BNC2: variants seen among roughly 807,000 people sequenced by gnomAD.
BNC2 encodes zinc finger protein basonuclin-2.
A neutral mutation model predicts 76.3 loss-of-function variants in BNC2; 20 were observed. The observed-to-expected ratio is 0.26, with a 90% CI of 0.18 to 0.38. BNC2 has a LOEUF of 0.38. Among genes scored for constraint, BNC2 ranks in the 10% least tolerant of loss-of-function variants. BNC2 has a pLI of 1.00. For missense variants in BNC2, 1,382 were observed against 1,399.8 expected (o/e 0.99, Z 0.20); for synonymous variants, 582 against 514.8 (o/e 1.13, Z -1.77).
intron 5 of BNC2, among the ~76,000 whole-genome samples, chr9:16,453,966 GC>G (rs1821394140): frequency 6.6e-6 from 1 of 152,146 alleles, no homozygotes; most frequent in Non-Finnish European, 1.5e-5. Context: ...AGAGAACTTA[GC>G]TTTCAGTGAA....
At position 16,634,470 on chromosome 9, in the gene BNC2, C is replaced by G. The variant is rs534822247; in HGVS notation, c.331-51385G>C. ...TTATTAAGAGTAACCTCTTAGTCAC[C>G]AAATTTATCCTATAATTAGACCTTC... On this transcript the variant is annotated intron_variant, in intron 3 of 6. Transcript: ENST00000380672. Among the ~76,000 whole-genome samples the G allele has an allele frequency of 2.6e-4, 39 of 150,458 alleles. No homozygotes were observed. The South Asian group carries it at 6.1e-3, about 24-fold the overall frequency.
chr9:16,808,306 T>C (rs574789613), intron 1 of BNC2, among the ~76,000 whole-genome samples: 1 of 152,052 alleles, frequency 6.6e-6, no homozygotes, highest in Non-Finnish European at 1.5e-5. Flanking sequence ...GTTTATTTCA[T>C]TAAAATTTAT....
At chr9:16,610,269 T>C (rs1397272785) in intron 3 of BNC2, among the ~76,000 whole-genome samples, 1 of 152,126 alleles carries the variant, frequency 6.6e-6, no homozygotes, top group Non-Finnish European at 1.5e-5. Context: ...AGAGTGGCAT[T>C]TGGGAGCCCC....
rs143704078 is a variant in BNC2 at position 16,438,539 on chromosome 9, A to G, written c.670-1015T>C. Among the ~76,000 whole-genome samples, 688 of 152,266 alleles carry G rather than the reference A, an allele frequency of 4.5e-3. 10 individuals are homozygous for G. Among genetic ancestry groups the G allele is most frequent in the African/African-American group, 0.016 (653 of 41,552 alleles). On this transcript the variant is annotated intron_variant, in intron 5 of 6. Transcript: ENST00000380672. ...CCTGCAATGTAATGTCAGGCGATCC[A>G]TTTCAGCATGGATTGAGAGAGATCT...
chr9:16,669,792 C>T (rs778018629), intron 3 of BNC2, among the ~76,000 whole-genome samples: 41 of 152,038 alleles, frequency 2.7e-4, no homozygotes, highest in South Asian at 1.2e-3. Flanking sequence ...TCAGATACCA[C>T]GGAAAAAGAA....
intron 3 of BNC2, among the ~76,000 whole-genome samples, chr9:16,674,618 G>A (rs1007604822): frequency 1.3e-5 from 2 of 152,244 alleles, no homozygotes. Context: ...ATGTTTATTT[G>A]TAGGACTTTA....
At chr9:16,704,328 G>A (rs1823598276) in intron 3 of BNC2, among the ~76,000 whole-genome samples, 2 of 152,172 alleles carry the variant, frequency 1.3e-5, no homozygotes, top group African/African-American at 4.8e-5. Context: ...GAAGGATAGG[G>A]GTTGGGGGCA....
chr9:16,816,446 C>G (rs1818184600), intron 1 of BNC2, among the ~76,000 whole-genome samples: 1 of 152,184 alleles, frequency 6.6e-6, no homozygotes, highest in African/African-American at 2.4e-5. Flanking sequence ...AAATACCAAG[C>G]TGGGCAGCCT....
intron 3 of BNC2, chr9:16,727,351 T>C (rs987331217): frequency 7.0e-5 from 13 of 184,798 alleles, no homozygotes; most frequent in Non-Finnish European, 1.4e-4. Flanking sequence ...ATGAAGTCAG[T>C]AGGGCTGTTC....
intron 3 of BNC2, among the ~76,000 whole-genome samples, chr9:16,617,400 G>A (rs2133531936): frequency 6.6e-6 from 1 of 151,990 alleles, no homozygotes; most frequent in South Asian, 2.1e-4. Flanking sequence ...AGCGGAATAT[G>A]AAAAGAATTA....
intron 1 of BNC2, among the ~76,000 whole-genome samples, chr9:16,770,999 C>T (rs1334761708): frequency 6.6e-6 from 1 of 152,082 alleles, no homozygotes; most frequent in Non-Finnish European, 1.5e-5. Context: ...GGCGAAACCC[C>T]TCTCTACTAA....
intron 1 of BNC2, among the ~76,000 whole-genome samples, chr9:16,828,801 T>C (rs1438034488): frequency 1.3e-5 from 2 of 152,188 alleles, no homozygotes; most frequent in Non-Finnish European, 2.9e-5. Flanking sequence ...GGGAGGAAGA[T>C]CGCCATAACA....
intron 3 of BNC2, among the ~76,000 whole-genome samples, chr9:16,643,302 T>A (rs1821539942): frequency 1.0e-5 from 1 of 97,248 alleles, no homozygotes; most frequent in Admixed American, 9.7e-5. Context: ...CAAGACTCTG[T>A]CTCAAAAAAA....
chr9:16,755,342 G>A (rs888022592), intron 1 of BNC2, among the ~76,000 whole-genome samples: 1 of 152,030 alleles, frequency 6.6e-6, no homozygotes, highest in Non-Finnish European at 1.5e-5. Context: ...GCTGTGGGGG[G>A]ACACCACCTC....
chr9:16,658,469 T>A (rs557721087), intron 3 of BNC2, among the ~76,000 whole-genome samples: 7 of 152,202 alleles, frequency 4.6e-5, no homozygotes, highest in Non-Finnish European at 8.8e-5. Flanking sequence ...AATGCTTGGG[T>A]AAATGCTTGT....
chr9:16,754,348 G>A (rs978831176), intron 1 of BNC2, among the ~76,000 whole-genome samples: 2 of 152,106 alleles, frequency 1.3e-5, no homozygotes, highest in African/African-American at 2.4e-5. Context: ...TCCACCAAGT[G>A]CAGAATTTAT....
intron 1 of BNC2, among the ~76,000 whole-genome samples, chr9:16,824,804 G>A (rs1818414301): frequency 1.3e-5 from 2 of 152,198 alleles, no homozygotes; most frequent in African/African-American, 2.4e-5. Context: ...GAGGCACAGT[G>A]AAAGAGAACC....
chr9:16,420,008 T>C (rs574209072), intron 6 of BNC2, among the ~76,000 whole-genome samples: 2 of 152,282 alleles, frequency 1.3e-5, no homozygotes, highest in Admixed American at 6.5e-5. Flanking sequence ...TTTTAGAATA[T>C]ATATTAAATA....
chr9:16,567,759 C>T (rs1283777799), intron 4 of BNC2, among the ~76,000 whole-genome samples: 1 of 152,074 alleles, frequency 6.6e-6, no homozygotes, highest in Non-Finnish European at 1.5e-5. Context: ...AGTTGGTTTC[C>T]ACAGGAATAT....
Sources: allele counts gnomAD v4.1 joint callset (sites outside exome capture counted in the v4.1 genomes callset), GRCh38; gene constraint gnomAD v4.1.1; transcripts MANE v1.5; gene names NCBI Gene and HGNC (gene_info 2026-07-23, HGNC 2026-07-21).